The following NELL1 variants were observed in gnomAD, a reference collection of about 807,000 sequenced individuals.
The protein encoded by NELL1 is neural EGFL like 1, also known as protein kinase C-binding protein NELL1.
NELL1 carries 76 observed loss-of-function variants against 107.4 expected under a neutral mutation model. That is an observed-to-expected ratio of 0.71 (90% confidence interval 0.59 to 0.86). The LOEUF (loss-of-function observed/expected upper bound fraction) is 0.86, where lower values mean the gene tolerates loss of function less well. Among genes scored for constraint, NELL1 ranks in the 40% least tolerant of loss-of-function variants. NELL1 has a pLI of 0.00. For missense variants in NELL1, 1,024 were observed against 1,005.5 expected (o/e 1.02, Z -0.25); for synonymous variants, 353 against 341.2 (o/e 1.03, Z -0.38).
At chr11:20,763,042 G>A (rs1856456664) in intron 2 of NELL1, among the ~76,000 whole-genome samples, 3 of 152,064 alleles carry the variant, frequency 2.0e-5, no homozygotes, top group Admixed American at 2.0e-4. Flanking sequence ...GTTGTTCCAT[G>A]GCTTTCTCTG....
chr11:20,956,133 C>T (rs916939465), intron 11 of NELL1, among the ~76,000 whole-genome samples: 4 of 151,848 alleles, frequency 2.6e-5, no homozygotes, highest in Non-Finnish European at 4.4e-5. Context: ...GCAGGAGAAT[C>T]GCTTGAACCC....
intron 14 of NELL1, among the ~76,000 whole-genome samples, chr11:21,342,830 C>T (rs1590854724): frequency 6.6e-6 from 1 of 151,958 alleles, no homozygotes; most frequent in South Asian, 2.1e-4. Flanking sequence ...TTTCTTATTA[C>T]ATTCAGTATC....
In NELL1 at chr11:20,900,748, A is replaced by G. The variant is rs114094568; in HGVS notation, c.603+15208A>G. On this transcript the variant is annotated intron_variant, in intron 5 of 19. Transcript: ENST00000357134. ...TATTATTAGCAACCTGTTTATTAGC[A>G]GAGTGTATGTATGCGTGTGTGTCTG... 4.7e-3 allele frequency among the ~76,000 whole-genome samples: 720 copies of G among 152,228 alleles called. 2 individuals carry two copies. The highest frequency in any genetic ancestry group is 0.017 in the African/African-American group (686 of 41,562).
chr11:20,677,904 G>A (rs1178087798), intron 1 of NELL1, 28 bp from the exon 2 acceptor site: 1 of 1,612,336 alleles, frequency 6.2e-7, no homozygotes, highest in South Asian at 1.1e-5. Context: ...TGCATTTTAA[G>A]CCCAAACAAC....
At chr11:21,233,592 T>G (rs146375213) in intron 14 of NELL1, among the ~76,000 whole-genome samples, 3 of 152,242 alleles carry the variant, frequency 2.0e-5, no homozygotes, top group African/African-American at 7.2e-5. Flanking sequence ...ACTAAAGTCA[T>G]TCTGAAACTA....
chr11:20,707,065 T>C (rs1854982559), intron 2 of NELL1, among the ~76,000 whole-genome samples: 1 of 152,198 alleles, frequency 6.6e-6, no homozygotes, highest in African/African-American at 2.4e-5. Context: ...TTGTTCATTT[T>C]ACTCTTTTTT....
intron 14 of NELL1, among the ~76,000 whole-genome samples, chr11:21,231,656 G>A (rs1858053714): frequency 1.3e-5 from 2 of 152,070 alleles, no homozygotes; most frequent in African/African-American, 4.8e-5. Flanking sequence ...GTCCTCTCTT[G>A]CCATTGTGAT....
rs145893225 is a variant in NELL1 at position 21,472,151 on chromosome 11, TTTTGTTTG to T, written c.1646-62199_1646-62192del. Among the ~76,000 whole-genome samples, 252 of 150,916 alleles carry T rather than the reference TTTTGTTTG, an allele frequency of 1.7e-3. 3 individuals carry two copies. The highest frequency in any genetic ancestry group is 5.1e-3 in the African/African-American group (209 of 41,170). ...GACACAAGATTTGCTTTCTGTTTTG[TTTTGTTTG>T]TTTGTTTGTTTGTTTGTTTGTTTTA... On this transcript the variant is annotated intron_variant, in intron 15 of 19. Coordinates refer to ENST00000357134, the MANE Select transcript of NELL1 (RefSeq NM_006157.5).
intron 12 of NELL1, among the ~76,000 whole-genome samples, chr11:20,976,586 A>G (rs1315393572): frequency 1.3e-5 from 2 of 152,198 alleles, no homozygotes; most frequent in African/African-American, 2.4e-5. Flanking sequence ...TACATACCAG[A>G]TATCAAATTT....
chr11:21,134,340 G>A (rs749447642), intron 13 of NELL1, among the ~76,000 whole-genome samples: 6 of 152,160 alleles, frequency 3.9e-5, no homozygotes, highest in African/African-American at 1.2e-4. Context: ...GGGACTATAA[G>A]GATAGGAGAG....
intron 2 of NELL1, among the ~76,000 whole-genome samples, chr11:20,777,666 G>A (rs1856775631): frequency 6.6e-6 from 1 of 152,120 alleles, no homozygotes; most frequent in African/African-American, 2.4e-5. Context: ...TTACCTTTTG[G>A]GGCCATTCTT....
chr11:21,500,061 T>C (rs1280355815), intron 15 of NELL1, among the ~76,000 whole-genome samples: 1 of 152,098 alleles, frequency 6.6e-6, no homozygotes, highest in Non-Finnish European at 1.5e-5. Flanking sequence ...CTGGAGTCTT[T>C]TATTCCAAAT....
At chr11:21,263,800 A>C (rs1445791653) in intron 14 of NELL1, among the ~76,000 whole-genome samples, 2 of 152,016 alleles carry the variant, frequency 1.3e-5, no homozygotes, top group Non-Finnish European at 1.5e-5. Context: ...CAGCTTTTTC[A>C]GATCTGAGAA....
At chr11:21,109,277 G>T (rs1324191884) in intron 12 of NELL1, among the ~76,000 whole-genome samples, 2 of 152,030 alleles carry the variant, frequency 1.3e-5, no homozygotes, top group African/African-American at 2.4e-5. Context: ...CCTTTATAAG[G>T]TACGTACTAT....
intron 15 of NELL1, among the ~76,000 whole-genome samples, chr11:21,439,171 C>T (rs940062443): frequency 6.6e-6 from 1 of 151,814 alleles, no homozygotes; most frequent in African/African-American, 2.4e-5. Context: ...AATAACTAGA[C>T]CTAAGAGTCA....
At chr11:21,507,308 C>T (rs1427834826) in intron 15 of NELL1, among the ~76,000 whole-genome samples, 1 of 152,102 alleles carries the variant, frequency 6.6e-6, no homozygotes, top group African/African-American at 2.4e-5. Context: ...AACCTAAATA[C>T]GAAAATAAGT....
At chr11:20,699,338 T>C (rs574570454) in intron 2 of NELL1, among the ~76,000 whole-genome samples, 1 of 152,272 alleles carries the variant, frequency 6.6e-6, no homozygotes, top group South Asian at 2.1e-4. Context: ...AAGGTATATA[T>C]ATGTATACAC....
chr11:21,540,088 T>C (rs1394214267), intron 16 of NELL1, among the ~76,000 whole-genome samples: 2 of 152,268 alleles, frequency 1.3e-5, no homozygotes, highest in African/African-American at 4.8e-5. Flanking sequence ...ATGGGGTATA[T>C]GTGATATTTT....
chr11:21,145,052 G>A (rs73448548), intron 13 of NELL1, among the ~76,000 whole-genome samples: 2,492 of 152,260 alleles, frequency 0.016, 45 homozygotes, highest in African/African-American at 0.042. Flanking sequence ...ATGATTAAAT[G>A]AGTTGGCACA....
Sources: allele counts gnomAD v4.1 joint callset (sites outside exome capture counted in the v4.1 genomes callset), GRCh38; gene constraint gnomAD v4.1.1; transcripts MANE v1.5; gene names NCBI Gene and HGNC (gene_info 2026-07-23, HGNC 2026-07-21).